Variants in ASIC2 observed in about 807,000 individuals in gnomAD.
The protein encoded by ASIC2 is acid-sensing ion channel 2.
Under a neutral mutation model 57.3 loss-of-function variants are expected in ASIC2, and 25 were observed. The ratio of observed to expected loss-of-function variants is 0.44; its 90% confidence interval spans 0.32 to 0.61. The LOEUF is 0.61. Among genes scored for constraint, ASIC2 ranks in the 20% least tolerant of loss-of-function variants. The pLI is 0.06. For missense variants in ASIC2, 641 were observed against 738.1 expected (o/e 0.87, Z 1.52); for synonymous variants, 319 against 307.5 (o/e 1.04, Z -0.39).
chr17:33,650,602 A>C (rs1215158058), intron 1 of ASIC2, among the ~76,000 whole-genome samples: 2 of 152,242 alleles, frequency 1.3e-5, no homozygotes, highest in African/African-American at 2.4e-5. Flanking sequence ...ATGGTTAAAC[A>C]AATTGTGGTA....
intron 1 of ASIC2, among the ~76,000 whole-genome samples, chr17:33,958,255 G>A (rs925509348): frequency 1.3e-5 from 2 of 152,208 alleles, no homozygotes; most frequent in South Asian, 4.1e-4. Context: ...CCATTCTGGA[G>A]GGGTCTGGGG....
chr17:33,147,408 T>G (rs1290704644), intron 1 of ASIC2, among the ~76,000 whole-genome samples: 1 of 152,214 alleles, frequency 6.6e-6, no homozygotes, highest in Non-Finnish European at 1.5e-5. Context: ...CAAGTTCAGC[T>G]GGTACTTAAG....
intron 1 of ASIC2, among the ~76,000 whole-genome samples, chr17:33,642,207 ACCCCCC>A (rs200980132): frequency 7.3e-6 from 1 of 136,782 alleles, no homozygotes; most frequent in African/African-American, 2.7e-5. Flanking sequence ...GCAAAAGGAC[ACCCCCC>A]CCCCCCCCAC....
At chr17:33,994,601 A>G (rs1215175705) in intron 1 of ASIC2, among the ~76,000 whole-genome samples, 1 of 152,186 alleles carries the variant, frequency 6.6e-6, no homozygotes, top group Non-Finnish European at 1.5e-5. Context: ...TCGCCTAATA[A>G]CAAGTGACAG....
At chr17:33,018,330 C>T (rs2091818024) in intron 7 of ASIC2, among the ~76,000 whole-genome samples, 1 of 152,214 alleles carries the variant, frequency 6.6e-6, no homozygotes, top group Non-Finnish European at 1.5e-5. Flanking sequence ...AGTGTTGCTG[C>T]CTGGATACAC....
intron 1 of ASIC2, among the ~76,000 whole-genome samples, chr17:33,387,052 T>C (rs1305179991): frequency 2.0e-5 from 3 of 152,126 alleles, no homozygotes; most frequent in Admixed American, 6.6e-5. Context: ...CAAGCCCGGC[T>C]AATTTTTGTG....
At chr17:33,125,947 A>T (rs572573563) in intron 1 of ASIC2, among the ~76,000 whole-genome samples, 5 of 152,176 alleles carry the variant, frequency 3.3e-5, no homozygotes, top group African/African-American at 1.2e-4. Context: ...TAAGGAAGCA[A>T]TTATTTCGGG....
intron 1 of ASIC2, among the ~76,000 whole-genome samples, chr17:33,726,200 C>T (rs1339755118): frequency 6.6e-6 from 1 of 152,052 alleles, no homozygotes; most frequent in Non-Finnish European, 1.5e-5. Flanking sequence ...GAAAAAGCCT[C>T]GAAACTTAGA....
At chr17:33,492,616 C>T (rs762405129) in intron 1 of ASIC2, among the ~76,000 whole-genome samples, 4 of 152,292 alleles carry the variant, frequency 2.6e-5, no homozygotes, top group Middle Eastern at 3.4e-3. Context: ...CCATTTAAAA[C>T]AGTTGGCCCT....
At chr17:33,514,294 A>G (rs1243443741) in intron 1 of ASIC2, among the ~76,000 whole-genome samples, 2 of 152,138 alleles carry the variant, frequency 1.3e-5, no homozygotes, top group African/African-American at 2.4e-5. Context: ...CAAGGCCCCA[A>G]TGAACTGAAA....
intron 1 of ASIC2, among the ~76,000 whole-genome samples, chr17:33,579,910 A>G (rs186988973): frequency 2.6e-5 from 4 of 152,144 alleles, no homozygotes; most frequent in Admixed American, 2.6e-4. Context: ...TGATTGGTCC[A>G]TTTTACAGAG....
intron 1 of ASIC2, among the ~76,000 whole-genome samples, chr17:33,666,490 T>C (rs1011380706): frequency 1.3e-5 from 2 of 152,070 alleles, no homozygotes; most frequent in African/African-American, 2.4e-5. Context: ...CCCCAGAGGG[T>C]GACTCATTCT....
chr17:33,094,981 G>A (rs1052133073), intron 2 of ASIC2, among the ~76,000 whole-genome samples: 2 of 152,170 alleles, frequency 1.3e-5, no homozygotes, highest in Non-Finnish European at 2.9e-5. Context: ...ACTATAGCAA[G>A]TTATTTAATC....
At chr17:33,713,518 G>A (rs1042739127) in intron 1 of ASIC2, among the ~76,000 whole-genome samples, 2 of 152,182 alleles carry the variant, frequency 1.3e-5, no homozygotes, top group East Asian at 3.8e-4. Flanking sequence ...CTCTTTGTGA[G>A]TGTGTGTCTC....
intron 1 of ASIC2, among the ~76,000 whole-genome samples, chr17:34,010,101 C>T (rs2142020553): frequency 6.6e-6 from 1 of 152,268 alleles, no homozygotes; most frequent in South Asian, 2.1e-4. Flanking sequence ...GGGGAGGCTC[C>T]ACGTATCTGG....
chr17:33,607,226 G>A (rs1905253693), intron 1 of ASIC2, among the ~76,000 whole-genome samples: 1 of 152,180 alleles, frequency 6.6e-6, no homozygotes, highest in South Asian at 2.1e-4. Context: ...AACCCAGGGT[G>A]TGCAGGATAG....
intron 1 of ASIC2, among the ~76,000 whole-genome samples, chr17:34,111,932 C>T (rs887766755): frequency 6.6e-6 from 1 of 151,830 alleles, no homozygotes; most frequent in Non-Finnish European, 1.5e-5. Flanking sequence ...TATATTAAGT[C>T]AAGATAATAG....
chr17:33,520,169 A>G (rs1224853690), intron 1 of ASIC2, among the ~76,000 whole-genome samples: 1 of 152,162 alleles, frequency 6.6e-6, no homozygotes, highest in Admixed American at 6.5e-5. Context: ...GGGGAGGGTC[A>G]TTAATAAATG....
chr17:33,661,188 G>C (rs768978385), intron 1 of ASIC2, among the ~76,000 whole-genome samples: 12 of 152,136 alleles, frequency 7.9e-5, no homozygotes, highest in Non-Finnish European at 1.5e-4. Context: ...GCCACATTTA[G>C]CACCAGCCTC....
Sources: allele counts gnomAD v4.1 joint callset (sites outside exome capture counted in the v4.1 genomes callset), GRCh38; gene constraint gnomAD v4.1.1; transcripts MANE v1.5; gene names NCBI Gene and HGNC (gene_info 2026-07-23, HGNC 2026-07-21).